The following FAM227A variants were observed in gnomAD, a reference collection of about 807,000 sequenced individuals.
The protein encoded by FAM227A is family with sequence similarity 227 member A, also known as protein FAM227A.
In FAM227A, 80 loss-of-function variants were observed where a neutral mutation model predicts 74.7. The ratio of observed to expected loss-of-function variants is 1.07; its 90% CI spans 0.89 to 1.29. FAM227A has a LOEUF of 1.29. Among genes scored for constraint, FAM227A ranks in the 50% most tolerant of loss-of-function variants. The pLI is 0.00. For synonymous variants in FAM227A, 237 were observed against 241.8 expected (o/e 0.98, Z 0.19); for missense variants, 654 against 683.4 (o/e 0.96, Z 0.48).
At chr22:38,627,212 T>C (rs2091827801) in intron 8 of FAM227A, among the ~76,000 whole-genome samples, 1 of 152,048 alleles carries the variant, frequency 6.6e-6, no homozygotes, top group Admixed American at 6.6e-5. Context: ...AAAGTATATA[T>C]GTGTAGTCAC....
At chr22:38,624,091 A>T (rs1412307996) in intron 9 of FAM227A, among the ~76,000 whole-genome samples, 1 of 152,066 alleles carries the variant, frequency 6.6e-6, no homozygotes, top group Admixed American at 6.6e-5. Context: ...ATGGTCAAAG[A>T]CCCAGCTTTG....
At chr22:38,623,382 G>T (rs2091733152) in intron 9 of FAM227A, 103 bp from the exon 10 acceptor site, 1 of 714,514 alleles carries the variant, frequency 1.4e-6, no homozygotes, top group Admixed American at 2.3e-5. Flanking sequence ...TTGAGCCCAG[G>T]AGACCAGCCT....
chr22:38,643,350 A>G (rs2092158014), intron 3 of FAM227A, among the ~76,000 whole-genome samples: 1 of 151,330 alleles, frequency 6.6e-6, no homozygotes, highest in African/African-American at 2.4e-5. Context: ...GGTTGGCGCT[A>G]AAGGTTGAAC....
chr22:38,637,578 T>C (rs916433424), intron 5 of FAM227A, among the ~76,000 whole-genome samples: 3 of 152,272 alleles, frequency 2.0e-5, no homozygotes, highest in African/African-American at 7.2e-5. Flanking sequence ...AACTGGGCTC[T>C]GGCCATGGTC....
In FAM227A at chr22:38,645,661, G is replaced by C; in HGVS notation, c.143-16C>G. On this transcript the variant is annotated splice_polypyrimidine_tract_variant and intron_variant, in intron 2 of 16. Transcript: ENST00000535113. ...ATAAGGCATGCTGGGAGGTTAGTCT[G>C]CTAAGGAAACTCAGGGTGATGATTA... 1 of 1,532,126 alleles carries C rather than the reference G, an allele frequency of 6.5e-7. No individual in the cohort carries two copies. Among genetic ancestry groups the C allele is most frequent in the Non-Finnish European group, 8.8e-7 (1 of 1,130,526 alleles). The allele number at this position is 1,532,126 out of a possible 1,614,324, so 94.9% of individuals were successfully genotyped here. A position where few individuals can be genotyped will look rare whatever the true frequency, so the allele number is the denominator to read the frequency against.
chr22:38,649,336 G>A (rs553973248), intron 2 of FAM227A, among the ~76,000 whole-genome samples: 7 of 151,744 alleles, frequency 4.6e-5, no homozygotes, highest in South Asian at 2.1e-4. Context: ...AGGTCAAGGC[G>A]GGCAGATCAC....
chr22:38,640,178 C>G (rs546846622), intron 3 of FAM227A, among the ~76,000 whole-genome samples: 28 of 151,924 alleles, frequency 1.8e-4, no homozygotes. Flanking sequence ...GGACTACAGG[C>G]GCCTGCCACC....
chr22:38,641,257 A>C (rs1197268219), intron 3 of FAM227A, among the ~76,000 whole-genome samples: 2 of 152,136 alleles, frequency 1.3e-5, no homozygotes, highest in Middle Eastern at 3.4e-3. Flanking sequence ...CAGGAAGGCA[A>C]CTCCCAAACC....
intron 3 of FAM227A, among the ~76,000 whole-genome samples, chr22:38,642,420 C>A (rs1164373180): frequency 6.6e-6 from 1 of 152,112 alleles, no homozygotes; most frequent in Non-Finnish European, 1.5e-5. Context: ...AACTATAAAA[C>A]CCCTAGAAGA....
At chr22:38,607,528 A>G in intron 11 of FAM227A, 52 bp from the exon 12 acceptor site, 1 of 1,252,480 alleles carries the variant, frequency 8.0e-7, no homozygotes, top group Non-Finnish European at 1.1e-6. Context: ...GAGAGAGAAC[A>G]AAATAAAATT....
intron 13 of FAM227A, among the ~76,000 whole-genome samples, chr22:38,604,538 G>C (rs2091243344): frequency 6.6e-6 from 1 of 152,216 alleles, no homozygotes; most frequent in Non-Finnish European, 1.5e-5. Context: ...TGATGCTAGT[G>C]ACTTTCCTGT....
At chr22:38,645,448 G>C in intron 3 of FAM227A, 115 bp downstream of exon 3, 1 of 668,774 alleles carries the variant, frequency 1.5e-6, no homozygotes, top group Non-Finnish European at 2.6e-6. Flanking sequence ...ATACTCAATT[G>C]TGTAAACATG....
At chr22:38,653,868 C>T (rs1287971528) in intron 1 of FAM227A, 1 of 152,218 alleles carries the variant, frequency 6.6e-6, no homozygotes, top group Admixed American at 6.5e-5. Context: ...CAGACTTGGT[C>T]CCTGCCCTCA....
chr22:38,652,873 T>C (rs2092343034), intron 1 of FAM227A, among the ~76,000 whole-genome samples: 1 of 103,274 alleles, frequency 9.7e-6, no homozygotes, highest in African/African-American at 3.8e-5. Context: ...CAAGACTCCA[T>C]CTCAAAAAAA....
In FAM227A at chr22:38,607,493, A is replaced by AGAGAAAGAGAGG; in HGVS notation, c.1039-29_1039-18dup. ...ACTAGAAGACTTCAGGAGACAAGAG[A>AGAGAAAGAGAGG]GAGAAAGAGAGGGAGAAAGCGAGAG... On this transcript the variant is annotated splice_polypyrimidine_tract_variant and intron_variant, in intron 11 of 16. Transcript: ENST00000535113. 6.7e-7 allele frequency: 1 copy of AGAGAAAGAGAGG among 1,492,774 alleles called. No individual in the cohort carries two copies. The allele number at this position is 1,492,774 out of a possible 1,614,324, so 92.5% of individuals were successfully genotyped here. A position where few individuals can be genotyped will look rare whatever the true frequency, so the allele number is the denominator to read the frequency against.
chr22:38,599,467 A>G (rs917848727), intron 14 of FAM227A, among the ~76,000 whole-genome samples: 2 of 152,196 alleles, frequency 1.3e-5, no homozygotes, highest in African/African-American at 4.8e-5. Flanking sequence ...GTTTCAATAT[A>G]TGTTAGAATA....
At chr22:38,631,161 C>CT (rs1236417244) in intron 6 of FAM227A, among the ~76,000 whole-genome samples, 1 of 152,048 alleles carries the variant, frequency 6.6e-6, no homozygotes, top group Non-Finnish European at 1.5e-5. Context: ...GAGCGAGTGT[C>CT]TTACTCAAAA....
chr22:38,639,718 C>T lies in FAM227A; in HGVS notation c.232G>A (p.Glu78Lys). The T allele has an allele frequency of 6.5e-7, 1 of 1,550,254 alleles. No individual in the cohort carries two copies. The change falls in exon 4 of 17, where the codon GAG (glutamate) becomes AAG (lysine). Residue 78 changes from glutamate to lysine, a missense_variant. Transcript: ENST00000535113. ...GCCTTCTTCTCCAACTCAAATCTCT[C>T]AATTGCCTTCAAAAACCAAGAAAAA... ...TEPSANSLAI[E>K]RFELEKKALR...
At chr22:38,629,141 A>C (rs2091867831) in intron 6 of FAM227A, 5 of 472,868 alleles carry the variant, frequency 1.1e-5, no homozygotes, top group Non-Finnish European at 1.8e-5. Context: ...CCGAGGACCA[A>C]AGTGGCAAGT....
Sources: gnomAD v4.1 joint callset for allele counts (sites outside exome capture counted in the v4.1 genomes callset) on GRCh38, gnomAD v4.1.1 for gene constraint, MANE v1.5 for transcripts, NCBI Gene and HGNC (gene_info 2026-07-23, HGNC 2026-07-21) for gene names.